Variants in TMEM50B observed in about 807,000 individuals in gnomAD.
The protein encoded by TMEM50B is transmembrane protein 50B.
TMEM50B carries 14 observed loss-of-function variants against 23.4 expected under a neutral mutation model. That is an observed-to-expected ratio of 0.60 (90% CI 0.39 to 0.93). The LOEUF is 0.93. Among genes scored for constraint, TMEM50B ranks in the 40% least tolerant of loss-of-function variants. The pLI, the probability that TMEM50B is intolerant of heterozygous loss-of-function variation, is 0.00. For synonymous variants in TMEM50B, 64 were observed against 62.3 expected, an observed-to-expected ratio of 1.03 and a Z score of -0.13; for missense variants, 159 against 193.0, an observed-to-expected ratio of 0.82 and a Z score of 1.04.
chr21:33,455,451 GC>G (rs2084160491), intron 6 of TMEM50B, among the ~76,000 whole-genome samples: 1 of 152,146 alleles, frequency 6.6e-6, no homozygotes, highest in Non-Finnish European at 1.5e-5. Flanking sequence ...CTCCCAAAGT[GC>G]TGGGATTACA....
At chr21:33,461,822 C>G (rs1422544444) in intron 4 of TMEM50B, among the ~76,000 whole-genome samples, 1 of 151,428 alleles carries the variant, frequency 6.6e-6, no homozygotes, top group Non-Finnish European at 1.5e-5. Context: ...AAAATCCTTA[C>G]AATTATTTTC....
rs779250116 is a variant in TMEM50B, at chr21:33,455,801, A to T, written c.374-17T>A. On this transcript the variant is annotated splice_polypyrimidine_tract_variant and intron_variant, in intron 5 of 6. Coordinates refer to ENST00000542230, the MANE Select transcript of TMEM50B (RefSeq NM_006134.7). ...CATCAGTATCTACATACACAAAGTA[A>T]AACAGATTAGACGGTTATATAGGCA... 6.2e-7 allele frequency: 1 copy of T among 1,606,852 alleles called. No individual in the cohort carries two copies. The highest frequency in any genetic ancestry group is 8.5e-7 in the Non-Finnish European group (1 of 1,173,770).
At chr21:33,453,710 T>C (rs1332699101) in intron 6 of TMEM50B, among the ~76,000 whole-genome samples, 1 of 152,132 alleles carries the variant, frequency 6.6e-6, no homozygotes, top group Non-Finnish European at 1.5e-5. Flanking sequence ...GCAAAGTTTT[T>C]CAAGGCTTAG....
At chr21:33,445,819 T>A (rs1462549447), downstream of TMEM50B, among the ~76,000 whole-genome samples, 1 of 151,872 alleles carries the variant, frequency 6.6e-6, no homozygotes, top group Non-Finnish European at 1.5e-5. Context: ...CCTACTTGTG[T>A]GAATCACTTA....
At chr21:33,434,292 T>G (rs2083921390) in intron 8 of TMEM50B, among the ~76,000 whole-genome samples, 1 of 151,996 alleles carries the variant, frequency 6.6e-6, no homozygotes, top group African/African-American at 2.4e-5. Context: ...GAGGCCAGGG[T>G]GGGCAGATCA....
intron 8 of TMEM50B, among the ~76,000 whole-genome samples, chr21:33,436,463 C>T (rs1248484715): frequency 3.3e-5 from 5 of 152,200 alleles, no homozygotes; most frequent in African/African-American, 4.8e-5. Flanking sequence ...TGGCTCACGC[C>T]TATAATCCCA....
chr21:33,477,437 C>T (rs1465782735), intron 1 of TMEM50B, among the ~76,000 whole-genome samples: 2 of 152,092 alleles, frequency 1.3e-5, no homozygotes, highest in African/African-American at 4.8e-5. Context: ...AGTGAACAAA[C>T]AAGGAATTCT....
At chr21:33,451,341 C>T (rs372308813) in intron 6 of TMEM50B, among the ~76,000 whole-genome samples, 2 of 152,278 alleles carry the variant, frequency 1.3e-5, no homozygotes, top group South Asian at 2.1e-4. Context: ...GTACCAAGCA[C>T]CTAAGTGCTG....
intron 2 of TMEM50B, among the ~76,000 whole-genome samples, chr21:33,467,987 G>A (rs2084279420): frequency 6.6e-6 from 1 of 150,554 alleles, no homozygotes; most frequent in East Asian, 1.9e-4. Flanking sequence ...TGAATTTGAA[G>A]CTGTAGTATA....
At chr21:33,453,529 G>A (rs1339833917) in intron 6 of TMEM50B, among the ~76,000 whole-genome samples, 1 of 152,140 alleles carries the variant, frequency 6.6e-6, no homozygotes. Flanking sequence ...GAGGGAGGGT[G>A]CAGTGGATAC....
Position 33,450,728 on chromosome 21 carries a change from T to A in TMEM50B, c.*90A>T. On this transcript the variant is annotated 3_prime_UTR_variant, in exon 7 of 7. Coordinates refer to ENST00000542230, the MANE Select transcript of TMEM50B (RefSeq NM_006134.7). ...AAGAAACAAAACATTTAATGTACAA[T>A]CTACTCCATTTGGCAATGTGTACTG... The A allele has an allele frequency of 1.1e-6, 1 of 939,332 alleles. No individual in the cohort carries two copies. 58.2% of individuals were successfully genotyped at this position (939,332 alleles called of 1,614,324 possible). A position where few individuals can be genotyped will look rare whatever the true frequency, so the allele number is the denominator to read the frequency against.
intron 8 of TMEM50B, among the ~76,000 whole-genome samples, chr21:33,435,882 CAAAAAAAAAAA>C (rs35251279): frequency 1.5e-4 from 7 of 48,244 alleles, no homozygotes; most frequent in African/African-American, 3.9e-4. Context: ...GACTCCGTCT[CAAAAAAAAAAA>C]AAAAAAAAAA....
chr21:33,440,561 T>G (rs1304001547), intron 7 of TMEM50B, among the ~76,000 whole-genome samples: 1 of 151,374 alleles, frequency 6.6e-6, no homozygotes, highest in Non-Finnish European at 1.5e-5. Context: ...GCATGCCTGG[T>G]GACAGAGCGA....
downstream of TMEM50B, among the ~76,000 whole-genome samples, chr21:33,447,326 G>A (rs986486823): frequency 9.7e-6 from 1 of 103,240 alleles, no homozygotes; most frequent in African/African-American, 4.6e-5. Flanking sequence ...GCTGAGTGTG[G>A]TGGTGCACAC....
intron 5 of TMEM50B, among the ~76,000 whole-genome samples, chr21:33,456,838 A>C: frequency 6.6e-6 from 1 of 152,368 alleles, no homozygotes; most frequent in East Asian, 1.9e-4. Flanking sequence ...CCTATAAAGT[A>C]ATATATAAAA....
chr21:33,436,887 G>T, intron 8 of TMEM50B: 1 of 1,613,940 alleles, frequency 6.2e-7, no homozygotes, highest in Non-Finnish European at 8.5e-7. Flanking sequence ...GCTCACCAAA[G>T]GATGACGTCT....
At chr21:33,460,346 G>T in intron 5 of TMEM50B, 67 bp downstream of exon 5, 1 of 977,080 alleles carries the variant, frequency 1.0e-6, no homozygotes. Flanking sequence ...ACTCAAGGTA[G>T]AGTAAGCCAA....
At chr21:33,432,891 T>TC (rs747344228) in intron 8 of TMEM50B, 1 of 842,450 alleles carries the variant, frequency 1.2e-6, no homozygotes, top group Non-Finnish European at 1.7e-6. Flanking sequence ...CACACATCTC[T>TC]TTTTTTTTTT....
chr21:33,451,529 C>A (rs912334269), intron 6 of TMEM50B, among the ~76,000 whole-genome samples: 4 of 152,054 alleles, frequency 2.6e-5, no homozygotes, highest in Admixed American at 1.3e-4. Flanking sequence ...AAAGGTTTTC[C>A]TGAGGAGTGG....
Sources: gnomAD v4.1 joint callset for allele counts (sites outside exome capture counted in the v4.1 genomes callset) on GRCh38, gnomAD v4.1.1 for gene constraint, MANE v1.5 for transcripts, NCBI Gene and HGNC (gene_info 2026-07-23, HGNC 2026-07-21) for gene names.